Variants in KCNAB1 observed in about 807,000 individuals in gnomAD.
KCNAB1 encodes the protein voltage-gated potassium channel subunit beta-1.
A neutral mutation model predicts 64.6 loss-of-function variants in KCNAB1; 35 were observed. The ratio of observed to expected loss-of-function variants is 0.54; its 90% confidence interval spans 0.41 to 0.72. The LOEUF (loss-of-function observed/expected upper bound fraction) is 0.72. Among genes scored for constraint, KCNAB1 ranks in the 30% least tolerant of loss-of-function variants. The pLI is 0.00. For missense variants in KCNAB1, 401 were observed against 512.9 expected, an observed-to-expected ratio of 0.78 and a Z score of 2.11; for synonymous variants, 177 against 183.8, an observed-to-expected ratio of 0.96 and a Z score of 0.30.
chr3:156,184,528 A>T (rs1713070082), intron 1 of KCNAB1, among the ~76,000 whole-genome samples: 1 of 152,222 alleles, frequency 6.6e-6, no homozygotes, highest in Admixed American at 6.5e-5. Flanking sequence ...GTGGAGACAG[A>T]GGAATGCAAT....
intron 1 of KCNAB1, among the ~76,000 whole-genome samples, chr3:156,140,401 G>A (rs557663714): frequency 2.2e-3 from 336 of 152,280 alleles, no homozygotes; most frequent in African/African-American, 7.8e-3. Context: ...GGTGCCAGCA[G>A]GGTCAGGTTC....
At chr3:156,385,936 T>C (rs1712553375) in intron 1 of KCNAB1, among the ~76,000 whole-genome samples, 1 of 152,222 alleles carries the variant, frequency 6.6e-6, no homozygotes. Context: ...AGAAATTGTA[T>C]GGCTCTTCTT....
chr3:156,200,340 G>A (rs529525453), intron 1 of KCNAB1, among the ~76,000 whole-genome samples: 1 of 152,350 alleles, frequency 6.6e-6, no homozygotes, highest in Admixed American at 6.5e-5. Flanking sequence ...CCTTAGCAGA[G>A]CTCGAGCGCT....
chr3:156,481,782 G>A (rs1279430203), intron 8 of KCNAB1, among the ~76,000 whole-genome samples: 1 of 152,066 alleles, frequency 6.6e-6, no homozygotes, highest in African/African-American at 2.4e-5. Context: ...TGTACACTTG[G>A]GAAAAGCTAC....
intron 1 of KCNAB1, among the ~76,000 whole-genome samples, chr3:156,147,955 A>ACGCACG (rs1560107781): frequency 2.3e-5 from 3 of 132,824 alleles, no homozygotes; most frequent in Admixed American, 2.1e-4. Context: ...ACACACACAC[A>ACGCACG]CACACGCACG....
intron 1 of KCNAB1, among the ~76,000 whole-genome samples, chr3:156,402,152 A>T (rs1009106765): frequency 5.1e-5 from 6 of 117,188 alleles, no homozygotes; most frequent in South Asian, 2.8e-4. Context: ...AGTATAATTT[A>T]AAAAAAAAAA....
At chr3:156,495,522 A>C (rs1715953384) in intron 8 of KCNAB1, among the ~76,000 whole-genome samples, 1 of 152,222 alleles carries the variant, frequency 6.6e-6, no homozygotes. Flanking sequence ...AATGTGATAC[A>C]TACACACAAT....
intron 1 of KCNAB1, among the ~76,000 whole-genome samples, chr3:156,184,878 G>A (rs1560125919): frequency 6.6e-6 from 1 of 152,064 alleles, no homozygotes; most frequent in Non-Finnish European, 1.5e-5. Context: ...GGGCTCCTGT[G>A]CTCCACAGGC....
intron 1 of KCNAB1, among the ~76,000 whole-genome samples, chr3:156,250,447 C>T (rs373673998): frequency 6.6e-6 from 1 of 152,172 alleles, no homozygotes; most frequent in Non-Finnish European, 1.5e-5. Flanking sequence ...CCATATGGTC[C>T]TTTGCTCTCA....
intron 12 of KCNAB1, among the ~76,000 whole-genome samples, chr3:156,525,538 C>T (rs759820207): frequency 1.6e-4 from 24 of 152,106 alleles, no homozygotes; most frequent in Non-Finnish European, 5.9e-5. Flanking sequence ...TGTTTTGAGA[C>T]GCAGTCTCGC....
chr3:156,402,504 C>A (rs1392705284), intron 1 of KCNAB1, among the ~76,000 whole-genome samples: 1 of 152,134 alleles, frequency 6.6e-6, no homozygotes. Context: ...TACATTCCTC[C>A]AACACCTGCT....
At chr3:156,401,900 G>A (rs1713920485) in intron 1 of KCNAB1, among the ~76,000 whole-genome samples, 1 of 151,542 alleles carries the variant, frequency 6.6e-6, no homozygotes, top group African/African-American at 2.4e-5. Flanking sequence ...GTAGTGTTTG[G>A]AGAAGCAAAT....
intron 8 of KCNAB1, among the ~76,000 whole-genome samples, chr3:156,487,329 A>G (rs762257091): frequency 2.2e-4 from 33 of 152,108 alleles, no homozygotes; most frequent in Non-Finnish European, 4.4e-4. Flanking sequence ...AAAACTTTTG[A>G]GGTGTCACTT....
In KCNAB1 at chr3:156,310,701, G is replaced by A. The variant is rs1198616625; in HGVS notation, c.276-110915G>A. ...TGCCTGTATTCCCAGCTACTCGGGA[G>A]GCTGAGGCAGGAGAATGGCGTGAAC... is the stretch of plus-strand genomic sequence containing the variant. On this transcript the variant is annotated intron_variant, in intron 1 of 13. Coordinates refer to ENST00000490337, the MANE Select transcript of KCNAB1 (RefSeq NM_172160.3). Among the ~76,000 whole-genome samples, 4 of 152,338 alleles carry A rather than the reference G, an allele frequency of 2.6e-5. No individual in the cohort carries two copies. In the East Asian group the frequency reaches 7.7e-4, roughly 29 times the overall value.
chr3:156,218,801 A>AAAAAAAAAAAAAAAAT (rs371264941), intron 1 of KCNAB1, among the ~76,000 whole-genome samples: 1 of 112,244 alleles, frequency 8.9e-6, no homozygotes. Flanking sequence ...AAAAAAAAAA[A>AAAAAAAAAAAAAAAAT]AATAATAATA....
chr3:156,231,855 A>C (rs1716552746), intron 1 of KCNAB1, among the ~76,000 whole-genome samples: 3 of 152,082 alleles, frequency 2.0e-5, no homozygotes, highest in Non-Finnish European at 4.4e-5. Context: ...TGTATTTCTT[A>C]AATGTATTTG....
chr3:156,367,967 G>A (rs1011269343), intron 1 of KCNAB1, among the ~76,000 whole-genome samples: 7 of 152,044 alleles, frequency 4.6e-5, no homozygotes, highest in Admixed American at 4.6e-4. Flanking sequence ...CTGCTTTCAG[G>A]GTTTTGTTTG....
At chr3:156,428,367 C>A (rs531595860) in intron 2 of KCNAB1, among the ~76,000 whole-genome samples, 5 of 152,276 alleles carry the variant, frequency 3.3e-5, no homozygotes, top group Admixed American at 3.3e-4. Flanking sequence ...ATCTTGAAGG[C>A]TGCCAGCTTT....
chr3:156,530,679 G>A (rs1025726723), intron 12 of KCNAB1, among the ~76,000 whole-genome samples: 3 of 152,172 alleles, frequency 2.0e-5, no homozygotes, highest in Non-Finnish European at 4.4e-5. Flanking sequence ...AGTGAGGGGT[G>A]TGAGGGTTCA....
Sources: allele counts gnomAD v4.1 joint callset (sites outside exome capture counted in the v4.1 genomes callset), GRCh38; gene constraint gnomAD v4.1.1; transcripts MANE v1.5; gene names NCBI Gene and HGNC (gene_info 2026-07-23, HGNC 2026-07-21).